UBASH3B: variants seen among roughly 807,000 people sequenced by gnomAD.
UBASH3B encodes ubiquitin associated and SH3 domain containing B.
UBASH3B carries 37 observed loss-of-function variants against 83.4 expected under a neutral mutation model. The observed-to-expected ratio is 0.44, with a 90% CI of 0.34 to 0.58. The LOEUF is 0.58. Among genes scored for constraint, UBASH3B ranks in the 20% least tolerant of loss-of-function variants. UBASH3B has a pLI of 0.01. For synonymous variants in UBASH3B, 304 were observed against 318.3 expected, an observed-to-expected ratio of 0.96 and a Z score of 0.48; for missense variants, 657 against 827.2, an observed-to-expected ratio of 0.79 and a Z score of 2.52.
chr11:122,744,151 G>A (rs370053424), intron 1 of UBASH3B, among the ~76,000 whole-genome samples: 11 of 152,096 alleles, frequency 7.2e-5, no homozygotes, highest in African/African-American at 2.2e-4. Context: ...CCCTTCCCAC[G>A]CAGGCTTCCT....
At chr11:122,709,367 G>T (rs1864162773) in intron 1 of UBASH3B, 1 of 152,236 alleles carries the variant, frequency 6.6e-6, no homozygotes, top group Admixed American at 6.5e-5. Context: ...TATTCCAGGG[G>T]AAGAATTTGG....
intron 1 of UBASH3B, among the ~76,000 whole-genome samples, chr11:122,752,151 G>A (rs1210838149): frequency 1.3e-5 from 2 of 151,908 alleles, no homozygotes; most frequent in Admixed American, 6.6e-5. Flanking sequence ...GTCTTGCCTC[G>A]CTGTCCCTAT....
intron 1 of UBASH3B, among the ~76,000 whole-genome samples, chr11:122,658,130 C>A (rs192525753): frequency 6.8e-6 from 1 of 148,142 alleles, no homozygotes; most frequent in Admixed American, 6.8e-5. Context: ...GAGCCAAGAT[C>A]GCACCACTGC....
Position 122,683,768 on chromosome 11 carries a change from TGTGTGTGTGA to T in UBASH3B, c.161+27560_161+27569del, listed in dbSNP as rs750562497. Among the ~76,000 whole-genome samples, 816 of 89,440 alleles carry T rather than the reference TGTGTGTGTGA, an allele frequency of 9.1e-3. 7 individuals are homozygous for T. Among genetic ancestry groups the T allele is most frequent in the Admixed American group, 0.053 (339 of 6,354 alleles). 58.7% of individuals were successfully genotyped at this position (89,440 alleles called of 152,430 possible). A position where few individuals can be genotyped will look rare whatever the true frequency, so the allele number is the denominator to read the frequency against. On this transcript the variant is annotated intron_variant, in intron 1 of 13. Transcript: ENST00000284273. ...TTGTGTGTGTGTGTGTGTGTGTGTGTGTGTGTGTGAGCCAGGTTTCAAATAAGATCTATAC... is the reference window on the plus strand; with the variant it reads ...TTGTGTGTGTGTGTGTGTGTGTGTGTGCCAGGTTTCAAATAAGATCTATAC...
intron 13 of UBASH3B, 136 bp downstream of exon 13, chr11:122,808,312 A>T (rs1406508485): frequency 1.3e-6 from 1 of 770,696 alleles, no homozygotes; most frequent in Non-Finnish European, 2.3e-6. Flanking sequence ...TCACTCAACC[A>T]AGATGTATTG....
At chr11:122,745,622 A>G (rs1007237987) in intron 1 of UBASH3B, among the ~76,000 whole-genome samples, 1 of 152,250 alleles carries the variant, frequency 6.6e-6, no homozygotes, top group Non-Finnish European at 1.5e-5. Context: ...CAAAGATATT[A>G]TTGACCCACA....
At chr11:122,669,402 C>G (rs934342312) in intron 1 of UBASH3B, among the ~76,000 whole-genome samples, 2 of 152,176 alleles carry the variant, frequency 1.3e-5, no homozygotes, top group Non-Finnish European at 2.9e-5. Flanking sequence ...CTGCCTCACT[C>G]CTTTCCTTGT....
chr11:122,680,707 C>T lies in UBASH3B; in HGVS notation c.161+24497C>T, dbSNP rs189214675. On this transcript the variant is annotated intron_variant, in intron 1 of 13. Coordinates refer to ENST00000284273, the MANE Select transcript of UBASH3B (RefSeq NM_032873.5). Reference sequence around the variant, plus strand: ...TGAACTCCCGACCTCAAGTGATCCACCCGCCTCAGCCTCCCAAAGTGCTGG... The same window carrying T: ...TGAACTCCCGACCTCAAGTGATCCATCCGCCTCAGCCTCCCAAAGTGCTGG... 6.3e-3 allele frequency among the ~76,000 whole-genome samples: 955 copies of T among 152,032 alleles called. 10 individuals are homozygous for T. Among genetic ancestry groups the T allele is most frequent in the Non-Finnish European group, 8.9e-3 (606 of 67,932 alleles).
chr11:122,761,779 C>CTTTTTTTTTTT (rs138806467), intron 1 of UBASH3B, among the ~76,000 whole-genome samples: 1 of 65,382 alleles, frequency 1.5e-5, no homozygotes, highest in Non-Finnish European at 2.7e-5. Context: ...CTCCCAGATC[C>CTTTTTTTTTTT]TTTTTTTTTT....
intron 7 of UBASH3B, among the ~76,000 whole-genome samples, chr11:122,795,684 C>A (rs1421608314): frequency 1.3e-5 from 2 of 152,210 alleles, no homozygotes; most frequent in Non-Finnish European, 2.9e-5. Flanking sequence ...CTGGAGCAGA[C>A]CATGAGGACC....
intron 1 of UBASH3B, among the ~76,000 whole-genome samples, chr11:122,676,934 C>T (rs1292344465): frequency 6.6e-6 from 1 of 152,174 alleles, no homozygotes; most frequent in Non-Finnish European, 1.5e-5. Flanking sequence ...ACCTCTGGGT[C>T]TTGCTTATGT....
chr11:122,807,111 G>A (rs1475786792), intron 12 of UBASH3B, among the ~76,000 whole-genome samples: 1 of 152,148 alleles, frequency 6.6e-6, no homozygotes, highest in East Asian at 1.9e-4. Flanking sequence ...ATGAGCAACA[G>A]TATTATGAAT....
chr11:122,811,403 G>A lies in UBASH3B; in HGVS notation c.*1517G>A, dbSNP rs1996841. ...TATATAAAAATACATCTATGCTTGCGTTTGAAACTACAACTTGATAACCCC... is the reference window on the plus strand; with the variant it reads ...TATATAAAAATACATCTATGCTTGCATTTGAAACTACAACTTGATAACCCC... On this transcript the variant is annotated 3_prime_UTR_variant, in exon 14 of 14. Transcript: ENST00000284273. 0.25 allele frequency: 38,530 copies of A among 152,062 alleles called. 5,489 individuals are homozygous for A. The highest frequency in any genetic ancestry group is 0.36 in the African/African-American group (15,057 of 41,446). The allele number at this position is 152,062 out of a possible 1,614,324, so 9.4% of individuals were successfully genotyped here.
intron 1 of UBASH3B, among the ~76,000 whole-genome samples, chr11:122,690,800 G>T (rs976786154): frequency 3.3e-5 from 5 of 152,246 alleles, no homozygotes; most frequent in African/African-American, 1.2e-4. Context: ...TGCGCTGCTA[G>T]TGGAAGAGGA....
intron 1 of UBASH3B, among the ~76,000 whole-genome samples, chr11:122,716,082 A>G (rs1441591779): frequency 6.6e-6 from 1 of 152,212 alleles, no homozygotes; most frequent in African/African-American, 2.4e-5. Context: ...CCTGATCGTG[A>G]TGCAGTGTCC....
intron 3 of UBASH3B, among the ~76,000 whole-genome samples, chr11:122,777,852 C>T (rs562776089): frequency 4.5e-4 from 68 of 152,138 alleles, no homozygotes; most frequent in Non-Finnish European, 2.8e-4. Context: ...GCCTCAGCCT[C>T]CCAAGTGGCT....
intron 1 of UBASH3B, among the ~76,000 whole-genome samples, chr11:122,664,550 T>G (rs566254199): frequency 1.3e-5 from 2 of 152,312 alleles, no homozygotes; most frequent in East Asian, 3.9e-4. Flanking sequence ...CTCTTTTCCC[T>G]GGAGGATGGG....
intron 1 of UBASH3B, among the ~76,000 whole-genome samples, chr11:122,659,901 G>A (rs549269937): frequency 6.6e-6 from 1 of 152,298 alleles, no homozygotes; most frequent in East Asian, 1.9e-4. Context: ...GGGCACTCAG[G>A]CCAGGCTCTT....
chr11:122,781,930 A>C (rs560796840), intron 4 of UBASH3B, among the ~76,000 whole-genome samples: 4 of 152,364 alleles, frequency 2.6e-5, no homozygotes, highest in African/African-American at 9.6e-5. Flanking sequence ...AAAGTACTTA[A>C]AACCGAAATG....
Sources: allele counts gnomAD v4.1 joint callset (sites outside exome capture counted in the v4.1 genomes callset), GRCh38; gene constraint gnomAD v4.1.1; transcripts MANE v1.5; gene names NCBI Gene and HGNC (gene_info 2026-07-23, HGNC 2026-07-21).